Variants in ZC3H6 observed in about 807,000 individuals in gnomAD.
ZC3H6 encodes zinc finger CCCH-type containing 6.
Under a neutral mutation model 107.7 loss-of-function variants are expected in ZC3H6, and 40 were observed. That is an observed-to-expected ratio of 0.37 (90% CI 0.29 to 0.48). ZC3H6 has a LOEUF of 0.48. Ranked by LOEUF, ZC3H6 falls within the 20% of genes least tolerant of loss-of-function variation. The probability of loss-of-function intolerance (pLI) is 0.98; values close to 1 mark genes in which losing one functional copy is unlikely to be tolerated. For missense variants in ZC3H6, 1,267 were observed against 1,410.4 expected, an observed-to-expected ratio of 0.90 and a Z score of 1.63; for synonymous variants, 493 against 487.9, an observed-to-expected ratio of 1.01 and a Z score of -0.14.
At chr2:112,287,984 C>T (rs1228247040) in intron 1 of ZC3H6, among the ~76,000 whole-genome samples, 1 of 152,218 alleles carries the variant, frequency 6.6e-6, no homozygotes, top group Non-Finnish European at 1.5e-5. Context: ...CTGATTTATC[C>T]TTTAGTTGGT....
Position 112,309,925 on chromosome 2 carries a change from G to T in ZC3H6, c.377G>T (p.Gly126Val). ...ISGSYITSKK[G>V]QHNKKFKSKE... ...GGAAGCTACATAACATCAAAGAAGG[G>T]TCAACATAACAAAAAATTTAAAAGT... Residue 126 changes from glycine (G) to valine (V), a missense_variant, in exon 4 of 12, where the codon GGT becomes GTT. By Grantham distance (109) the Gly-to-Val change is moderately radical (BLOSUM62 -3). This residue lies in a region of ZC3H6 where 337 missense variants were observed against 361.2 expected (regional missense o/e 0.93). Transcript: ENST00000409871. 6.3e-7 allele frequency: 1 copy of T among 1,595,756 alleles called. No homozygotes were observed. The highest frequency in any genetic ancestry group is 8.5e-7 in the Non-Finnish European group (1 of 1,170,404).
rs185529451 is a variant in ZC3H6, at chr2:112,286,190, T to A, written c.32+10164T>A. 20 of 414,754 alleles carry A rather than the reference T, an allele frequency of 4.8e-5. No individual in the cohort carries two copies. In the East Asian group the frequency reaches 1.2e-3, roughly 26 times the overall value. The allele number at this position is 414,754 out of a possible 1,614,324, so 25.7% of individuals were successfully genotyped here. On this transcript the variant is annotated intron_variant, in intron 1 of 11. Coordinates refer to ENST00000409871, the MANE Select transcript of ZC3H6 (RefSeq NM_198581.3). Reference sequence around the variant, plus strand: ...TCCACACAGAGCTCCCAAGAGTGAGTTTTTAGGAGTGGGTCTGAAATTAGG... The same window carrying A: ...TCCACACAGAGCTCCCAAGAGTGAGATTTTAGGAGTGGGTCTGAAATTAGG...
At chr2:112,323,923 CAGTA>C (rs1361496381) in intron 9 of ZC3H6, among the ~76,000 whole-genome samples, 9 of 152,200 alleles carry the variant, frequency 5.9e-5, no homozygotes, top group South Asian at 2.1e-4. Context: ...TTTTTCAAAA[CAGTA>C]AGTTTTAGAA....
In ZC3H6 at chr2:112,325,068, G is replaced by A; in HGVS notation, c.1957G>A (p.Gly653Ser). 6.2e-7 allele frequency: 1 copy of A among 1,613,922 alleles called. No homozygotes were observed. The highest frequency in any genetic ancestry group is 8.5e-7 in the Non-Finnish European group (1 of 1,179,854). Residue 653 changes from glycine (G) to serine (S), a missense_variant, in exon 11 of 12, where the codon GGC becomes AGC. This residue lies in a region of ZC3H6 where 925 missense variants were observed against 1,025.7 expected (regional missense o/e 0.90). Coordinates refer to ENST00000409871, the MANE Select transcript of ZC3H6 (RefSeq NM_198581.3). Reference protein sequence around the residue: ...SDGSSTRTGHGPLPVPGLLPA... With the variant: ...SDGSSTRTGHSPLPVPGLLPA... ...TGGCAGCAGCACTAGGACAGGCCAT[G>A]GCCCTCTGCCTGTACCAGGCCTCCT...
rs1676884697 is a variant in ZC3H6, at chr2:112,325,179, G to A, written c.2068G>A (p.Ala690Thr). 1 of 1,613,954 alleles carries A rather than the reference G, an allele frequency of 6.2e-7. No homozygotes were observed. Among genetic ancestry groups the A allele is most frequent in the South Asian group, 1.1e-5 (1 of 91,076 alleles). The change falls in exon 11 of 12, where the codon GCA becomes ACA. Residue 690 changes from alanine to threonine, a missense_variant. By Grantham distance (58) the Ala-to-Thr change is moderately conservative (BLOSUM62 0). Around this residue, in one of 3 missense-constraint regions of ZC3H6, gnomAD observed 925 missense variants for 1,025.7 expected, o/e 0.90. Coordinates refer to ENST00000409871, the MANE Select transcript of ZC3H6 (RefSeq NM_198581.3). ...ACAAACCAGCACCCAACCTCATAGG[G>A]CACCAAGCAAGGAAGAAGGTGTGTC... Reference protein sequence around the residue: ...EEQTSTQPHRAPSKEEDDTVN... With the variant: ...EEQTSTQPHRTPSKEEDDTVN...
At chr2:112,330,954 TATTATAA>T in intron 11 of ZC3H6, 44 bp from the exon 12 acceptor site, 1 of 753,988 alleles carries the variant, frequency 1.3e-6, no homozygotes, top group Non-Finnish European at 1.7e-6. Context: ...AATTTTATTA[TATTATAA>T]GTTTATAATA....
chr2:112,312,869 A>T (rs1474178317), intron 5 of ZC3H6, among the ~76,000 whole-genome samples: 1 of 151,706 alleles, frequency 6.6e-6, no homozygotes, highest in Non-Finnish European at 1.5e-5. Flanking sequence ...CAAAATAAAA[A>T]AAAAAAAAAA....
At position 112,321,858 on chromosome 2, in the gene ZC3H6, T is replaced by G; in HGVS notation, c.1079T>G (p.Leu360Trp). 1 of 1,476,176 alleles carries G rather than the reference T, an allele frequency of 6.8e-7. No homozygotes were observed. Among genetic ancestry groups the G allele is most frequent in the Non-Finnish European group, 9.1e-7 (1 of 1,098,654 alleles). 91.4% of individuals were successfully genotyped at this position (1,476,176 alleles called of 1,614,324 possible). A position where few individuals can be genotyped will look rare whatever the true frequency, so the allele number is the denominator to read the frequency against. ...CTAACTAAAGAAACAAAGAAACTTTTGGACAAAGTGAGTAATATTTTTGTA... is the reference window on the plus strand; with the variant it reads ...CTAACTAAAGAAACAAAGAAACTTTGGGACAAAGTGAGTAATATTTTTGTA... Reference protein sequence around the residue: ...DDLTKETKKLLDKVLNTDEEL... With the variant: ...DDLTKETKKLWDKVLNTDEEL... The change falls in exon 8 of 12, where the codon TTG (leucine) becomes TGG (tryptophan). Residue 360 changes from leucine to tryptophan, a missense_variant. Leu to Trp is a moderately conservative substitution (Grantham distance 61, BLOSUM62 -2). Transcript: ENST00000409871.
rs1157174486 is a variant in ZC3H6 at position 112,338,855 on chromosome 2, GTATATATATATATATATATATA to G, written c.*6404_*6425del. 6.2e-3 allele frequency: 240 copies of G among 38,442 alleles called. 5 individuals carry two copies. The highest frequency in any genetic ancestry group is 0.025 in the South Asian group (31 of 1,232). 2.4% of individuals were successfully genotyped at this position (38,442 alleles called of 1,614,324 possible). ...TATATATATATGTATGTATATGTGT[GTATATATATATATATATATATA>G]TATATATATATATATATATATATAT... is the stretch of plus-strand genomic sequence containing the variant. On this transcript the variant is annotated 3_prime_UTR_variant, in exon 12 of 12. Coordinates refer to ENST00000409871, the MANE Select transcript of ZC3H6 (RefSeq NM_198581.3).
At chr2:112,305,119 CAA>C (rs896947033) in intron 3 of ZC3H6, among the ~76,000 whole-genome samples, 1 of 152,114 alleles carries the variant, frequency 6.6e-6, no homozygotes, top group Non-Finnish European at 1.5e-5. Context: ...ATTTTTACCA[CAA>C]GTGACAAAAC....
chr2:112,283,683 A>G (rs972981776), intron 1 of ZC3H6, among the ~76,000 whole-genome samples: 1 of 152,230 alleles, frequency 6.6e-6, no homozygotes, highest in Non-Finnish European at 1.5e-5. Context: ...AAGGGCAAAT[A>G]ACTTGTCTAA....
intron 1 of ZC3H6, among the ~76,000 whole-genome samples, chr2:112,285,663 A>T (rs1260559181): frequency 6.6e-6 from 1 of 151,994 alleles, no homozygotes; most frequent in Non-Finnish European, 1.5e-5. Context: ...TAAATGACAT[A>T]CTTGAAAAAA....
intron 1 of ZC3H6, among the ~76,000 whole-genome samples, chr2:112,287,155 T>C (rs1686624206): frequency 6.6e-6 from 1 of 152,026 alleles, no homozygotes; most frequent in Non-Finnish European, 1.5e-5. Flanking sequence ...CCTAGAAGAT[T>C]ATTTTCTGAT....
intron 11 of ZC3H6, among the ~76,000 whole-genome samples, chr2:112,327,733 T>C (rs1676939223): frequency 6.6e-6 from 1 of 152,180 alleles, no homozygotes; most frequent in Admixed American, 6.5e-5. Flanking sequence ...CATATGGATA[T>C]CCAGTTTTTC....
chr2:112,338,131 G>T lies in ZC3H6; in HGVS notation c.*5643G>T, dbSNP rs1444433054. 2 of 151,676 alleles carry T rather than the reference G, an allele frequency of 1.3e-5. No homozygotes were observed. The highest frequency in any genetic ancestry group is 2.9e-5 in the Non-Finnish European group (2 of 67,996). 9.4% of individuals were successfully genotyped at this position (151,676 alleles called of 1,614,324 possible). A position where few individuals can be genotyped will look rare whatever the true frequency, so the allele number is the denominator to read the frequency against. On this transcript the variant is annotated 3_prime_UTR_variant, in exon 12 of 12. Coordinates refer to ENST00000409871, the MANE Select transcript of ZC3H6 (RefSeq NM_198581.3). ...AACCAGCTAATTTTTTATATTTTTGGTAGAGACACAGTTTCATCATGTTGG... is the reference window on the plus strand; with the variant it reads ...AACCAGCTAATTTTTTATATTTTTGTTAGAGACACAGTTTCATCATGTTGG...
intron 1 of ZC3H6, among the ~76,000 whole-genome samples, chr2:112,284,087 C>T (rs1435728702): frequency 6.6e-6 from 1 of 152,088 alleles, no homozygotes; most frequent in East Asian, 1.9e-4. Flanking sequence ...GAACTAACAC[C>T]TTTCTTGCAT....
chr2:112,338,865 A>G lies in ZC3H6; in HGVS notation c.*6377A>G, dbSNP rs1240199840. 216 of 5,206 alleles carry G rather than the reference A, an allele frequency of 0.041. 10 individuals are homozygous for G. Among genetic ancestry groups the G allele is most frequent in the African/African-American group, 0.12 (22 of 190 alleles). The allele number at this position is 5,206 out of a possible 1,614,324, so 0.3% of individuals were successfully genotyped here. On this transcript the variant is annotated 3_prime_UTR_variant, in exon 12 of 12. Transcript: ENST00000409871. ...TGTATGTATATGTGTGTATATATAT[A>G]TATATATATATATATATATATATAT... is the stretch of plus-strand genomic sequence containing the variant.
chr2:112,302,180 C>T (rs987847426), intron 2 of ZC3H6, among the ~76,000 whole-genome samples: 8 of 152,044 alleles, frequency 5.3e-5, no homozygotes, highest in Non-Finnish European at 8.8e-5. Flanking sequence ...GGTGACTGAG[C>T]AAACATGGCT....
intron 1 of ZC3H6, among the ~76,000 whole-genome samples, chr2:112,287,794 G>C (rs1306316324): frequency 6.6e-6 from 1 of 152,216 alleles, no homozygotes; most frequent in Non-Finnish European, 1.5e-5. Context: ...AGTAGAGACA[G>C]GGTTTCACTG....
Sources: gnomAD v4.1 joint callset for allele counts (sites outside exome capture counted in the v4.1 genomes callset) on GRCh38, gnomAD v4.1.1 for gene constraint, gnomAD v4.1.1 regional missense constraint, MANE v1.5 for transcripts, NCBI Gene and HGNC (gene_info 2026-07-23, HGNC 2026-07-21) for gene names.